Variants in SGCZ observed in about 807,000 individuals in gnomAD.
SGCZ encodes zeta-sarcoglycan.
A neutral mutation model predicts 41.3 loss-of-function variants in SGCZ; 40 were observed. That is an observed-to-expected ratio of 0.97 (90% CI 0.75 to 1.26). SGCZ has a LOEUF of 1.26. Among genes scored for constraint, SGCZ ranks in the 50% most tolerant of loss-of-function variants. The probability of loss-of-function intolerance (pLI) is 0.00; values close to 1 mark genes in which losing one functional copy is unlikely to be tolerated. For missense variants in SGCZ, 552 were observed against 369.8 expected (o/e 1.49, Z -4.04); for synonymous variants, 206 against 137.5 (o/e 1.50, Z -3.49).
intron 3 of SGCZ, among the ~76,000 whole-genome samples, chr8:14,239,834 G>A (rs1415429577): frequency 3.7e-5 from 5 of 136,714 alleles, no homozygotes; most frequent in Non-Finnish European, 6.1e-5. Context: ...CCCGGGAGGC[G>A]GAGCTTGCAG....
chr8:15,020,464 T>C (rs1184677553), intron 1 of SGCZ, among the ~76,000 whole-genome samples: 1 of 152,038 alleles, frequency 6.6e-6, no homozygotes, highest in African/African-American at 2.4e-5. Flanking sequence ...GGTGCATATA[T>C]ATATGAGGAG....
chr8:15,031,557 G>T (rs1248877894), intron 1 of SGCZ, among the ~76,000 whole-genome samples: 1 of 152,162 alleles, frequency 6.6e-6, no homozygotes, highest in Non-Finnish European at 1.5e-5. Context: ...ACAACCCTGT[G>T]AGGTGGAAAC....
intron 1 of SGCZ, among the ~76,000 whole-genome samples, chr8:14,815,136 C>T (rs1801863396): frequency 1.3e-5 from 2 of 152,038 alleles, no homozygotes. Context: ...TTTGGTTATA[C>T]TTCAATTAGT....
At chr8:14,661,077 C>T (rs1473552271) in intron 1 of SGCZ, among the ~76,000 whole-genome samples, 1 of 152,038 alleles carries the variant, frequency 6.6e-6, no homozygotes, top group African/African-American at 2.4e-5. Context: ...GCTAGATTGC[C>T]TGTTCCTTTA....
At chr8:14,432,331 T>G (rs1182243048) in intron 2 of SGCZ, among the ~76,000 whole-genome samples, 3 of 152,188 alleles carry the variant, frequency 2.0e-5, no homozygotes, top group Admixed American at 6.5e-5. Flanking sequence ...ATACATATGA[T>G]GGAATACTAC....
intron 1 of SGCZ, among the ~76,000 whole-genome samples, chr8:14,691,791 A>T (rs1157053193): frequency 2.0e-5 from 3 of 151,790 alleles, no homozygotes; most frequent in Admixed American, 6.6e-5. Context: ...CTGCAATAAA[A>T]TTTTTTTTGC....
At chr8:14,848,062 T>G (rs943002197) in intron 1 of SGCZ, among the ~76,000 whole-genome samples, 2 of 152,108 alleles carry the variant, frequency 1.3e-5, no homozygotes, top group African/African-American at 4.8e-5. Context: ...ATATCAATAT[T>G]AAATGTATTT....
At chr8:14,226,468 T>TATAA (rs1806377734) in intron 4 of SGCZ, among the ~76,000 whole-genome samples, 1 of 152,098 alleles carries the variant, frequency 6.6e-6, no homozygotes, top group Admixed American at 6.6e-5. Flanking sequence ...AAGAACGTCA[T>TATAA]ATAAATGCCA....
chr8:14,824,138 C>G (rs1259135342), intron 1 of SGCZ, among the ~76,000 whole-genome samples: 1 of 151,978 alleles, frequency 6.6e-6, no homozygotes, highest in Non-Finnish European at 1.5e-5. Context: ...TCGAGAGAAA[C>G]AGACTTACAA....
At chr8:14,858,932 T>C (rs28886380) in intron 1 of SGCZ, among the ~76,000 whole-genome samples, 37,155 of 152,064 alleles carry the variant, frequency 0.24, 4,795 homozygotes, top group Admixed American at 0.33. Context: ...ATGTTTTTCT[T>C]TGGCAACAAA....
chr8:14,447,424 A>T (rs1446082414), intron 2 of SGCZ, among the ~76,000 whole-genome samples: 1 of 152,210 alleles, frequency 6.6e-6, no homozygotes, highest in Non-Finnish European at 1.5e-5. Context: ...AATCCCAGGC[A>T]TAGTGATTTA....
At chr8:14,097,137 C>G (rs981236818) in intron 7 of SGCZ, among the ~76,000 whole-genome samples, 4 of 152,080 alleles carry the variant, frequency 2.6e-5, no homozygotes, top group African/African-American at 9.7e-5. Context: ...CTTCTGCTAG[C>G]TTTTGAATTT....
chr8:14,310,370 T>C (rs536638259), intron 3 of SGCZ, among the ~76,000 whole-genome samples: 5 of 152,296 alleles, frequency 3.3e-5, no homozygotes, highest in Admixed American at 1.3e-4. Flanking sequence ...TACAAAGCTT[T>C]GCTACAAATT....
intron 7 of SGCZ, among the ~76,000 whole-genome samples, chr8:14,094,393 T>A (rs1476019768): frequency 6.6e-5 from 10 of 152,092 alleles, no homozygotes; most frequent in Admixed American, 6.6e-4. Context: ...GGTGTTTGGT[T>A]TTCTGTTCTT....
intron 3 of SGCZ, among the ~76,000 whole-genome samples, chr8:14,269,498 T>C (rs536443491): frequency 6.6e-6 from 1 of 152,212 alleles, no homozygotes; most frequent in Non-Finnish European, 1.5e-5. Context: ...CTGAAGACAA[T>C]ACTGAGCTGC....
At chr8:14,651,516 C>T (rs1585155306) in intron 1 of SGCZ, among the ~76,000 whole-genome samples, 1 of 151,990 alleles carries the variant, frequency 6.6e-6, no homozygotes, top group East Asian at 1.9e-4. Context: ...GGCTTTTAAG[C>T]GTGGATGAAT....
At chr8:14,423,482 T>C (rs574439328) in intron 2 of SGCZ, among the ~76,000 whole-genome samples, 30 of 152,108 alleles carry the variant, frequency 2.0e-4, no homozygotes, top group Non-Finnish European at 3.5e-4. Flanking sequence ...AATGGTGCAA[T>C]GTCGACTCAC....
At chr8:14,987,883 T>C (rs956317938) in intron 1 of SGCZ, among the ~76,000 whole-genome samples, 3 of 151,986 alleles carry the variant, frequency 2.0e-5, no homozygotes, top group Non-Finnish European at 2.9e-5. Flanking sequence ...TTTTGAAAAA[T>C]TAATTTGCTC....
chr8:14,477,852 T>A (rs1801405791), intron 2 of SGCZ, among the ~76,000 whole-genome samples: 1 of 152,212 alleles, frequency 6.6e-6, no homozygotes, highest in Admixed American at 6.5e-5. Flanking sequence ...CAACTTAATA[T>A]CACTCCTTGG....
Sources: allele counts gnomAD v4.1 joint callset (sites outside exome capture counted in the v4.1 genomes callset), GRCh38; gene constraint gnomAD v4.1.1; transcripts MANE v1.5; gene names NCBI Gene and HGNC (gene_info 2026-07-23, HGNC 2026-07-21).